Variants in RPRD1B observed in about 807,000 individuals in gnomAD.
RPRD1B encodes the protein regulation of nuclear pre-mRNA domain-containing protein 1B.
A neutral mutation model predicts 41.5 loss-of-function variants in RPRD1B; 11 were observed. That is an observed-to-expected ratio of 0.27 (90% CI 0.17 to 0.44). The LOEUF (loss-of-function observed/expected upper bound fraction) is 0.44. RPRD1B is among the 20% of genes least tolerant of loss of function. The pLI is 1.00. For missense variants in RPRD1B, 248 were observed against 389.9 expected, an observed-to-expected ratio of 0.64 and a Z score of 3.06; for synonymous variants, 158 against 155.6, an observed-to-expected ratio of 1.02 and a Z score of -0.12.
At chr20:38,051,270 G>A (rs2074182373) in intron 3 of RPRD1B, among the ~76,000 whole-genome samples, 1 of 152,178 alleles carries the variant, frequency 6.6e-6, no homozygotes, top group South Asian at 2.1e-4. Flanking sequence ...AAGAAAAGGA[G>A]AAAAGTTCTC....
intron 6 of RPRD1B, 53 bp downstream of exon 6, chr20:38,066,309 C>T: frequency 1.3e-6 from 2 of 1,538,156 alleles, no homozygotes; most frequent in African/African-American, 2.8e-5. Context: ...TCCTGTAGCC[C>T]ACATTAGGAG....
At chr20:38,053,498 G>T (rs1296201743) in intron 3 of RPRD1B, among the ~76,000 whole-genome samples, 1 of 152,192 alleles carries the variant, frequency 6.6e-6, no homozygotes, top group African/African-American at 2.4e-5. Context: ...TGTCGGAGAA[G>T]AACGCTTGCC....
At position 38,091,584 on chromosome 20, in the gene RPRD1B, A is replaced by T. The variant is rs2074612111; in HGVS notation, c.*1709A>T. 1.0e-6 allele frequency: 1 copy of T among 985,468 alleles called. No homozygotes were observed. The highest frequency in any genetic ancestry group is 1.7e-5 in the African/African-American group (1 of 57,330). 61.0% of individuals were successfully genotyped at this position (985,468 alleles called of 1,614,324 possible). A position where few individuals can be genotyped will look rare whatever the true frequency, so the allele number is the denominator to read the frequency against. Reference sequence around the variant, plus strand: ...AGAGGCCATAGGTGACATCACTAAAATTGCAAGATAAATTGTAATCTTTGC... The same window carrying T: ...AGAGGCCATAGGTGACATCACTAAATTTGCAAGATAAATTGTAATCTTTGC... On this transcript the variant is annotated 3_prime_UTR_variant, in exon 7 of 7. Coordinates refer to ENST00000373433, the MANE Select transcript of RPRD1B (RefSeq NM_021215.4).
rs751132137 is a variant in RPRD1B at position 38,040,436 on chromosome 20, C to T, written c.153C>T (p.Ala51=). ...VSVWHRELRK[A]KSNRKLTFLY... ...ATTCTTTTCTTTTCTTTTTTTCAGCCAAATCAAATAGAAAGCTTACTTTTC... is the reference window on the plus strand; with the variant it reads ...ATTCTTTTCTTTTCTTTTTTTCAGCTAAATCAAATAGAAAGCTTACTTTTC... The change falls in exon 2 of 7, where the codon GCC becomes GCT. Residue 51 remains alanine, a splice_region_variant and synonymous_variant. Transcript: ENST00000373433. 1.3e-6 allele frequency: 2 copies of T among 1,573,898 alleles called. No individual in the cohort carries two copies. Among genetic ancestry groups the T allele is most frequent in the South Asian group, 1.2e-5 (1 of 84,156 alleles).
chr20:38,071,759 G>A (rs182455038), intron 6 of RPRD1B, among the ~76,000 whole-genome samples: 1 of 152,240 alleles, frequency 6.6e-6, no homozygotes, highest in Admixed American at 6.5e-5. Flanking sequence ...TTGTGATTTT[G>A]ATTTGCATTT....
In RPRD1B at chr20:38,091,475, A is replaced by G; in HGVS notation, c.*1600A>G. 3.0e-6 allele frequency: 3 copies of G among 985,450 alleles called. No individual in the cohort carries two copies. Among genetic ancestry groups the G allele is most frequent in the Non-Finnish European group, 3.6e-6 (3 of 829,956 alleles). The allele number at this position is 985,450 out of a possible 1,614,324, so 61.0% of individuals were successfully genotyped here. ...TGTTTGAGCTGTTATTCAGATTTGAATTCAGACTGTGTGTTGTTTGCTTAT... is the reference window on the plus strand; with the variant it reads ...TGTTTGAGCTGTTATTCAGATTTGAGTTCAGACTGTGTGTTGTTTGCTTAT... On this transcript the variant is annotated 3_prime_UTR_variant, in exon 7 of 7. Transcript: ENST00000373433.
At chr20:38,045,606 T>C (rs1370467535) in intron 2 of RPRD1B, among the ~76,000 whole-genome samples, 2 of 152,226 alleles carry the variant, frequency 1.3e-5, no homozygotes, top group East Asian at 1.9e-4. Flanking sequence ...CATTTTCCAC[T>C]GTGCCTGAAA....
intron 5 of RPRD1B, among the ~76,000 whole-genome samples, chr20:38,062,922 A>G (rs2074314540): frequency 7.2e-6 from 1 of 138,356 alleles, no homozygotes; most frequent in Non-Finnish European, 1.5e-5. Context: ...GTAACCTCAA[A>G]CTCCTGGACT....
At chr20:38,052,752 GTTTTTTTTTTTTTTTTTTTT>G (rs146687415) in intron 3 of RPRD1B, among the ~76,000 whole-genome samples, 1 of 81,702 alleles carries the variant, frequency 1.2e-5, no homozygotes, top group African/African-American at 4.8e-5. Flanking sequence ...CAAACGCGGT[GTTTTTTTTTTTTTTTTTTTT>G]TTTTTTTTAA....
Position 38,040,493 on chromosome 20 carries a change from T to C in RPRD1B, c.210T>C (p.Ser70=). ...LYLANDVIQN[S]KRKGPEFTRE... is the part of the protein sequence containing the mutation. ...TAGCGAATGATGTCATCCAAAACAG[T>C]AAAAGGAAAGGACCTGAATTCACTA... Residue 70 remains serine (S), a synonymous_variant, in exon 2 of 7, where the codon AGT becomes AGC. Transcript: ENST00000373433. 6.2e-7 allele frequency: 1 copy of C among 1,610,884 alleles called. No individual in the cohort carries two copies. The highest frequency in any genetic ancestry group is 8.5e-7 in the Non-Finnish European group (1 of 1,178,640).
At chr20:38,050,483 T>C (rs1033587594) in intron 3 of RPRD1B, among the ~76,000 whole-genome samples, 1 of 152,236 alleles carries the variant, frequency 6.6e-6, no homozygotes, top group Non-Finnish European at 1.5e-5. Context: ...TTAGAGTTCA[T>C]TGGTAAACAG....
chr20:38,050,788 G>A (rs1326845428), intron 3 of RPRD1B, among the ~76,000 whole-genome samples: 1 of 152,122 alleles, frequency 6.6e-6, no homozygotes, highest in Admixed American at 6.5e-5. Context: ...CTAGGTAGAG[G>A]ATAATGCTAA....
intron 6 of RPRD1B, among the ~76,000 whole-genome samples, chr20:38,066,692 G>T (rs1461794581): frequency 6.6e-6 from 1 of 151,972 alleles, no homozygotes; most frequent in Non-Finnish European, 1.5e-5. Context: ...GTCTCGCTCC[G>T]TCGCCCAGGC....
chr20:38,086,823 T>C (rs556022754), intron 6 of RPRD1B, among the ~76,000 whole-genome samples: 17 of 152,322 alleles, frequency 1.1e-4, no homozygotes, highest in Non-Finnish European at 1.2e-4. Flanking sequence ...AACACATTTC[T>C]TTTTAGTTAA....
At chr20:38,034,865 C>A (rs980365820) in intron 1 of RPRD1B, among the ~76,000 whole-genome samples, 2 of 152,216 alleles carry the variant, frequency 1.3e-5, no homozygotes, top group Admixed American at 1.3e-4. Flanking sequence ...TGCCAACTGC[C>A]TAGAATTTAA....
chr20:38,080,794 G>A (rs143304537), intron 6 of RPRD1B, among the ~76,000 whole-genome samples: 3,397 of 152,196 alleles, frequency 0.022, 108 homozygotes, highest in African/African-American at 0.076. Flanking sequence ...CAAAGTGCTG[G>A]GATTATAGGC....
At chr20:38,060,440 C>G (rs1332311816) in intron 5 of RPRD1B, among the ~76,000 whole-genome samples, 5 of 152,144 alleles carry the variant, frequency 3.3e-5, no homozygotes. Flanking sequence ...CACCTATATC[C>G]CCTCAAGTGA....
chr20:38,043,559 G>A (rs530748755), intron 2 of RPRD1B, among the ~76,000 whole-genome samples: 35 of 152,258 alleles, frequency 2.3e-4, no homozygotes, highest in Admixed American at 5.9e-4. Flanking sequence ...AGGGAGGGGC[G>A]GGGACATGAG....
At position 38,033,983 on chromosome 20, in the gene RPRD1B, G is replaced by A; in HGVS notation, c.36G>A (p.Lys12=). The change falls in exon 1 of 7, where the codon AAG becomes AAA. Residue 12 remains lysine (K), a synonymous_variant. Transcript: ENST00000373433. The stretch of plus-strand genomic sequence containing the variant: ...TCTCTGAGTCGGCGCTGGAGAAGAA[G>A]CTCTCGGAGCTGAGCAACTCTCAGC... ...SSFSESALEK[K]LSELSNSQQS... 1 of 1,613,610 alleles carries A rather than the reference G, an allele frequency of 6.2e-7. No individual in the cohort carries two copies. The highest frequency in any genetic ancestry group is 8.5e-7 in the Non-Finnish European group (1 of 1,179,728).
Sources: gnomAD v4.1 joint callset for allele counts (sites outside exome capture counted in the v4.1 genomes callset) on GRCh38, gnomAD v4.1.1 for gene constraint, MANE v1.5 for transcripts, NCBI Gene and HGNC (gene_info 2026-07-23, HGNC 2026-07-21) for gene names.